The following CA8 variants were observed in gnomAD, a reference collection of about 807,000 sequenced individuals.
CA8 encodes carbonic anhydrase 8 (inactive).
In CA8, 22 loss-of-function variants were observed where a neutral mutation model predicts 41.4. The observed-to-expected ratio is 0.53, with a 90% CI of 0.38 to 0.76. The LOEUF (loss-of-function observed/expected upper bound fraction) is 0.76. Among genes scored for constraint, CA8 ranks in the 30% least tolerant of loss-of-function variants. The pLI, the probability that CA8 is intolerant of heterozygous loss-of-function variation, is 0.00. For missense variants in CA8, 270 were observed against 352.8 expected (o/e 0.77, Z 1.88); for synonymous variants, 121 against 130.6 (o/e 0.93, Z 0.50).
intron 3 of CA8, among the ~76,000 whole-genome samples, chr8:60,251,337 G>A (rs985178333): frequency 6.6e-6 from 1 of 152,172 alleles, no homozygotes; most frequent in African/African-American, 2.4e-5. Context: ...CCCATCTTAT[G>A]TATAGCCCAC....
In CA8 at chr8:60,208,784, G is replaced by T. The variant is rs1009041800; in HGVS notation, c.*1C>A. ...GACAGACTTGTTCCTGTCCTCTTTG[G>T]CTACTGAAATGCAGCTCTAATGACT... On this transcript the variant is annotated 3_prime_UTR_variant, in exon 8 of 9. Coordinates refer to ENST00000317995, the MANE Select transcript of CA8 (RefSeq NM_004056.6). 18 of 1,613,934 alleles carry T rather than the reference G, an allele frequency of 1.1e-5. No homozygotes were observed. Among genetic ancestry groups the T allele is most frequent in the Non-Finnish European group, 1.5e-5 (18 of 1,180,000 alleles).
Position 60,219,929 on chromosome 8 carries a change from T to TAAAAAAAAAAAAAAAAAA in CA8, c.738+2702_738+2719dup, listed in dbSNP as rs546162939. On this transcript the variant is annotated intron_variant, in intron 7 of 8. Transcript: ENST00000317995. ...CTCTAGTATTTCCTAAATCTTAACTTAAAAAAAAAAAAAAAAAAAAAAAAC... is the reference window on the plus strand; with the variant it reads ...CTCTAGTATTTCCTAAATCTTAACTTAAAAAAAAAAAAAAAAAAAAAAAAAAAAAAAAAAAAAAAAAAC... Among the ~76,000 whole-genome samples the TAAAAAAAAAAAAAAAAAA allele has an allele frequency of 4.8e-4, 39 of 82,006 alleles. 7 individuals carry two copies. The highest frequency in any genetic ancestry group is 1.4e-3 in the African/African-American group (29 of 21,016). 53.8% of individuals were successfully genotyped at this position (82,006 alleles called of 152,430 possible).
intron 8 of CA8, among the ~76,000 whole-genome samples, chr8:60,202,606 T>G (rs1211618611): frequency 6.6e-6 from 1 of 152,188 alleles, no homozygotes; most frequent in Non-Finnish European, 1.5e-5. Flanking sequence ...CTAAGATAGC[T>G]TAACAAGATC....
At position 60,277,620 on chromosome 8, in the gene CA8, G is replaced by C. The variant is rs556229468; in HGVS notation, c.292+2069C>G. ...TCCACCCACCTCAGCCTCCCAAAGT[G>C]CTGGGATTACACTTGTGAGCCATCA... On this transcript the variant is annotated intron_variant, in intron 2 of 8. Transcript: ENST00000317995. Among the ~76,000 whole-genome samples the C allele has an allele frequency of 7.2e-5, 11 of 152,262 alleles. No homozygotes were observed. In the East Asian group the frequency reaches 1.9e-3, roughly 27 times the overall value.
chr8:60,265,249 T>C (rs1248484710), intron 3 of CA8: 1 of 152,290 alleles, frequency 6.6e-6, no homozygotes, highest in Non-Finnish European at 1.5e-5. Context: ...AAAGACGCTG[T>C]GGAGACTAAA....
Position 60,266,038 on chromosome 8 carries a change from C to T in CA8, c.304G>A (p.Gly102Arg). Reference sequence around the variant, plus strand: ...AATTCATGCCCTTGAGGCAATGGTCCTCCCGAAAGAACTGAAAAAGAAAAT... The same window carrying T: ...AATTCATGCCCTTGAGGCAATGGTCTTCCCGAAAGAACTGAAAAAGAAAAT... ...ILKSKSVLSG[G>R]PLPQGHEFEL... Residue 102 changes from glycine to arginine, a missense_variant, in exon 3 of 9, where the codon GGA becomes AGA. Transcript: ENST00000317995. 1 of 1,613,644 alleles carries T rather than the reference C, an allele frequency of 6.2e-7. No individual in the cohort carries two copies.
At chr8:60,213,133 C>T (rs1806895815) in intron 7 of CA8, among the ~76,000 whole-genome samples, 1 of 152,228 alleles carries the variant, frequency 6.6e-6, no homozygotes, top group Non-Finnish European at 1.5e-5. Flanking sequence ...AATGCTCCCT[C>T]TTCCTTACCA....
intron 3 of CA8, among the ~76,000 whole-genome samples, chr8:60,232,942 C>A (rs538516517): frequency 3.9e-5 from 6 of 152,244 alleles, no homozygotes; most frequent in Non-Finnish European, 7.4e-5. Context: ...TAAAAGAAGG[C>A]GATTTCCTGC....
Position 60,222,673 on chromosome 8 carries a change from G to A in CA8, c.714C>T (p.Tyr238=), listed in dbSNP as rs1348306003. The A allele has an allele frequency of 6.2e-7, 1 of 1,607,882 alleles. No homozygotes were observed. The highest frequency in any genetic ancestry group is 1.7e-5 in the Admixed American group (1 of 60,022). ...CCTGTAGCTGGGATATAGTTAAAGG[G>A]TATCGGAATAATATCCAGGTGACAC... ...SEGVTWILFR[Y]PLTISQLQIE... is the part of the protein sequence containing the mutation. Residue 238 remains tyrosine, a synonymous_variant, in exon 7 of 9, where the codon TAC becomes TAT. Coordinates refer to ENST00000317995, the MANE Select transcript of CA8 (RefSeq NM_004056.6).
At chr8:60,196,961 T>C (rs1031044011) in intron 8 of CA8, among the ~76,000 whole-genome samples, 1 of 152,088 alleles carries the variant, frequency 6.6e-6, no homozygotes, top group Non-Finnish European at 1.5e-5. Flanking sequence ...TTACAGGACA[T>C]GATATAATGT....
intron 8 of CA8, among the ~76,000 whole-genome samples, chr8:60,190,957 T>TATATATATAC (rs1554573722): frequency 6.7e-5 from 7 of 104,234 alleles, no homozygotes; most frequent in African/African-American, 2.4e-4. Context: ...TATATATATA[T>TATATATATAC]ACACACACAC....
intron 3 of CA8, 129 bp from the exon 4 acceptor site, chr8:60,232,508 C>A (rs1330141868): frequency 3.2e-5 from 24 of 752,874 alleles, no homozygotes; most frequent in Non-Finnish European, 5.5e-5. Flanking sequence ...CAAGTAGACA[C>A]AAACTACTGG....
At chr8:60,247,515 C>T (rs564742024) in intron 3 of CA8, among the ~76,000 whole-genome samples, 1 of 152,276 alleles carries the variant, frequency 6.6e-6, no homozygotes, top group African/African-American at 2.4e-5. Flanking sequence ...GTTTGGTTTT[C>T]TGTTCCTGTG....
At chr8:60,244,830 T>C (rs1342947547) in intron 3 of CA8, among the ~76,000 whole-genome samples, 1 of 152,234 alleles carries the variant, frequency 6.6e-6, no homozygotes, top group Non-Finnish European at 1.5e-5. Context: ...TCAGGGTCTT[T>C]CACTTTTTGA....
chr8:60,243,798 C>A (rs9643518), intron 3 of CA8, among the ~76,000 whole-genome samples: 5,444 of 152,252 alleles, frequency 0.036, 167 homozygotes, highest in South Asian at 0.13. Flanking sequence ...TCTTCTTCAA[C>A]AGCAGTTCCA....
chr8:60,273,536 G>A (rs1474434415), intron 2 of CA8, among the ~76,000 whole-genome samples: 1 of 152,228 alleles, frequency 6.6e-6, no homozygotes, highest in Admixed American at 6.5e-5. Flanking sequence ...CACAGTCTAT[G>A]CAGATGCACT....
At chr8:60,207,793 T>A (rs1039270048) in intron 8 of CA8, among the ~76,000 whole-genome samples, 2 of 152,216 alleles carry the variant, frequency 1.3e-5, no homozygotes, top group Admixed American at 1.3e-4. Context: ...TCTCAATCTG[T>A]CACCCAGGCT....
chr8:60,213,989 C>A (rs1047809191), intron 7 of CA8, among the ~76,000 whole-genome samples: 3 of 152,146 alleles, frequency 2.0e-5, no homozygotes, highest in Admixed American at 6.5e-5. Flanking sequence ...AAGTTGTCAG[C>A]AACTACCCCA....
intron 2 of CA8, among the ~76,000 whole-genome samples, chr8:60,279,302 T>C (rs1002243508): frequency 3.3e-5 from 5 of 152,224 alleles, no homozygotes; most frequent in African/African-American, 1.2e-4. Flanking sequence ...TTCTAATCTT[T>C]GGTTTCACAA....
Sources: allele counts gnomAD v4.1 joint callset (sites outside exome capture counted in the v4.1 genomes callset), GRCh38; gene constraint gnomAD v4.1.1; transcripts MANE v1.5; gene names NCBI Gene and HGNC (gene_info 2026-07-23, HGNC 2026-07-21).